GPR63: variants seen among roughly 807,000 people sequenced by gnomAD.
The protein encoded by GPR63 is G protein-coupled receptor 63.
Under a neutral mutation model 23.1 loss-of-function variants are expected in GPR63, and 12 were observed. The observed-to-expected ratio is 0.52, with a 90% confidence interval of 0.33 to 0.84. The LOEUF (loss-of-function observed/expected upper bound fraction) is 0.84, where lower values mean the gene tolerates loss of function less well. GPR63 is among the 40% of genes least tolerant of loss of function. The pLI, the probability that GPR63 is intolerant of heterozygous loss-of-function variation, is 0.02. For synonymous variants in GPR63, 172 were observed against 191.1 expected, an observed-to-expected ratio of 0.90 and a Z score of 0.82; for missense variants, 472 against 515.6, an observed-to-expected ratio of 0.92 and a Z score of 0.82.
intron 1 of GPR63, among the ~76,000 whole-genome samples, chr6:96,807,261 A>G (rs1182085256): frequency 6.6e-6 from 1 of 152,258 alleles, no homozygotes; most frequent in Non-Finnish European, 1.5e-5. Context: ...CAACATAGCC[A>G]TGGCAGAAGG....
chr6:96,816,257 T>C (rs545008429), intron 1 of GPR63, among the ~76,000 whole-genome samples: 26 of 152,296 alleles, frequency 1.7e-4, no homozygotes, highest in African/African-American at 6.3e-4. Context: ...TAATGGAATG[T>C]TAATTTTGTG....
intron 1 of GPR63, among the ~76,000 whole-genome samples, chr6:96,803,140 T>C (rs925160601): frequency 6.6e-6 from 1 of 152,190 alleles, no homozygotes; most frequent in South Asian, 2.1e-4. Flanking sequence ...TGAATGCATA[T>C]TCAATTTGAG....
intron 1 of GPR63, among the ~76,000 whole-genome samples, chr6:96,816,439 A>C (rs1774165475): frequency 6.6e-6 from 1 of 152,222 alleles, no homozygotes; most frequent in Non-Finnish European, 1.5e-5. Flanking sequence ...AAATAAAGTC[A>C]AGCCTGTAGC....
chr6:96,810,054 C>T (rs534879979), intron 1 of GPR63, among the ~76,000 whole-genome samples: 3 of 152,232 alleles, frequency 2.0e-5, no homozygotes, highest in Non-Finnish European at 4.4e-5. Context: ...TAAGAGTAGG[C>T]AGTATTTCTT....
At chr6:96,809,773 T>C (rs1459118792) in intron 1 of GPR63, among the ~76,000 whole-genome samples, 1 of 152,228 alleles carries the variant, frequency 6.6e-6, no homozygotes, top group Non-Finnish European at 1.5e-5. Context: ...GTAATAGTCT[T>C]GGCCCTTGCA....
At position 96,795,998 on chromosome 6, in the gene GPR63, A is replaced by G. The variant is rs1032102717; in HGVS notation, c.*2474T>C. The G allele has an allele frequency of 2.6e-5, 4 of 152,218 alleles. No homozygotes were observed. The highest frequency in any genetic ancestry group is 5.9e-5 in the Non-Finnish European group (4 of 68,042). The allele number at this position is 152,218 out of a possible 1,614,324, so 9.4% of individuals were successfully genotyped here. ...GTGACTATCATTTGAAGATAATCCC[A>G]AAACAACATGTTGAATAATATGCTT... On this transcript the variant is annotated 3_prime_UTR_variant, in exon 2 of 2. Transcript: ENST00000229955.
In GPR63 at chr6:96,798,814, C is replaced by A. The variant is rs1356970696; in HGVS notation, c.918G>T (p.Met306Ile). The change falls in exon 2 of 2, where the codon ATG (methionine) becomes ATT (isoleucine). Residue 306 changes from methionine (M) to isoleucine (I), a missense_variant. Physicochemically the swap from Met to Ile is conservative, Grantham distance 10 (BLOSUM62 1). Transcript: ENST00000229955. ...TGGTGAAGGCACGTGTTTTAAAGCC[C>A]ATGTCAATGCTCATCTGGAAAGGTC... ...LQRPFQMSID[M>I]GFKTRAFTTI... 1.9e-6 allele frequency: 3 copies of A among 1,614,028 alleles called. No homozygotes were observed. The African/African-American group carries it at 4.0e-5, about 22-fold the overall frequency.
intron 1 of GPR63, among the ~76,000 whole-genome samples, chr6:96,805,294 T>C (rs930558099): frequency 7.9e-5 from 12 of 151,368 alleles, no homozygotes; most frequent in African/African-American, 2.7e-4. Flanking sequence ...GCGAGAGGGG[T>C]TGGTGCCATA....
At chr6:96,827,349 T>G (rs1440665858) in intron 1 of GPR63, among the ~76,000 whole-genome samples, 1 of 151,588 alleles carries the variant, frequency 6.6e-6, no homozygotes, top group African/African-American at 2.4e-5. Context: ...CCAAATACAA[T>G]CAAGCGAAAA....
chr6:96,819,412 C>A (rs191616669), intron 1 of GPR63, among the ~76,000 whole-genome samples: 3 of 151,952 alleles, frequency 2.0e-5, no homozygotes, highest in African/African-American at 7.3e-5. Flanking sequence ...AGCAAACTAA[C>A]GGGAACAGAA....
At position 96,837,369 on chromosome 6, in the gene GPR63, C is replaced by T. The variant is rs1316381303; in HGVS notation, c.-252G>A. On this transcript the variant is annotated 5_prime_UTR_variant, in exon 1 of 2. Transcript: ENST00000229955. ...TTCCTGACATAGCACTTCTCTCCTC[C>T]GCTGCAGAGAACAACGCTGCCAGGC... 2 of 152,736 alleles carry T rather than the reference C, an allele frequency of 1.3e-5. No homozygotes were observed. The highest frequency in any genetic ancestry group is 6.5e-5 in the Admixed American group (1 of 15,288). The allele number at this position is 152,736 out of a possible 1,614,324, so 9.5% of individuals were successfully genotyped here. A position where few individuals can be genotyped will look rare whatever the true frequency, so the allele number is the denominator to read the frequency against.
intron 1 of GPR63, among the ~76,000 whole-genome samples, chr6:96,818,085 T>C (rs1448817075): frequency 1.3e-5 from 2 of 151,980 alleles, no homozygotes; most frequent in African/African-American, 2.4e-5. Flanking sequence ...ATATTCTTCA[T>C]AGAAATATTT....
At chr6:96,819,600 G>A (rs1774250956) in intron 1 of GPR63, among the ~76,000 whole-genome samples, 1 of 151,632 alleles carries the variant, frequency 6.6e-6, no homozygotes, top group Admixed American at 6.6e-5. Context: ...GGGTTGATAG[G>A]AGCAGCAAAC....
At chr6:96,808,265 T>A (rs962086379) in intron 1 of GPR63, among the ~76,000 whole-genome samples, 1 of 152,182 alleles carries the variant, frequency 6.6e-6, no homozygotes, top group African/African-American at 2.4e-5. Context: ...ATATGACATA[T>A]GGAATCTAAA....
chr6:96,833,279 G>T (rs1289493166), intron 1 of GPR63, among the ~76,000 whole-genome samples: 2 of 152,046 alleles, frequency 1.3e-5, no homozygotes, highest in African/African-American at 2.4e-5. Context: ...GGATCAACTT[G>T]AACAAAAAAT....
rs1773543836 is a variant in GPR63, at chr6:96,794,891, G to A, written c.*3581C>T. The A allele has an allele frequency of 6.6e-6, 1 of 152,158 alleles. No individual in the cohort carries two copies. The highest frequency in any genetic ancestry group is 2.1e-4 in the South Asian group (1 of 4,832). 9.4% of individuals were successfully genotyped at this position (152,158 alleles called of 1,614,324 possible). The stretch of plus-strand genomic sequence containing the variant: ...GGCAAGATCCAGCACAAACACAGGT[G>A]GCAGCAAATCAGGCACAATGTTGTG... On this transcript the variant is annotated 3_prime_UTR_variant, in exon 2 of 2. Transcript: ENST00000229955.
At chr6:96,802,736 A>G (rs1773804482) in intron 1 of GPR63, among the ~76,000 whole-genome samples, 1 of 150,868 alleles carries the variant, frequency 6.6e-6, no homozygotes, top group Non-Finnish European at 1.5e-5. Context: ...TTTAGTAAAG[A>G]CGGGGTTTCA....
At chr6:96,818,326 G>A (rs919428320) in intron 1 of GPR63, among the ~76,000 whole-genome samples, 1 of 152,112 alleles carries the variant, frequency 6.6e-6, no homozygotes, top group Non-Finnish European at 1.5e-5. Flanking sequence ...AGCCAAGTGT[G>A]GTAGTTCGTG....
In GPR63 at chr6:96,796,356, T is replaced by C. The variant is rs1053363204; in HGVS notation, c.*2116A>G. ...CTCTCTGGTTTTACAAATGAAGAAA[T>C]AGAAGCTTATTTTTTCCACTGGCTC... is the stretch of plus-strand genomic sequence containing the variant. On this transcript the variant is annotated 3_prime_UTR_variant, in exon 2 of 2. Transcript: ENST00000229955. 13 of 152,096 alleles carry C rather than the reference T, an allele frequency of 8.5e-5. 1 individual carries two copies. The highest frequency in any genetic ancestry group is 2.4e-5 in the African/African-American group (1 of 41,430). The allele number at this position is 152,096 out of a possible 1,614,324, so 9.4% of individuals were successfully genotyped here. A position where few individuals can be genotyped will look rare whatever the true frequency, so the allele number is the denominator to read the frequency against.
Sources: allele counts gnomAD v4.1 joint callset (sites outside exome capture counted in the v4.1 genomes callset), GRCh38; gene constraint gnomAD v4.1.1; transcripts MANE v1.5; gene names NCBI Gene and HGNC (gene_info 2026-07-23, HGNC 2026-07-21).